RNF20: variants seen among roughly 807,000 people sequenced by gnomAD.
RNF20 encodes E3 ubiquitin-protein ligase BRE1A.
A neutral mutation model predicts 126.2 loss-of-function variants in RNF20; 84 were observed. The observed-to-expected ratio is 0.67, with a 90% confidence interval of 0.56 to 0.80. The LOEUF is 0.80. Ranked by LOEUF, RNF20 falls within the 30% of genes least tolerant of loss-of-function variation. The probability of loss-of-function intolerance (pLI) is 0.00; values close to 1 mark genes in which losing one functional copy is unlikely to be tolerated. For missense variants in RNF20, 869 were observed against 1,188.2 expected, an observed-to-expected ratio of 0.73 and a Z score of 3.95; for synonymous variants, 400 against 414.3, an observed-to-expected ratio of 0.97 and a Z score of 0.42.
rs571282070 is a variant in RNF20, at chr9:101,562,832, A to T, written c.*410A>T. On this transcript the variant is annotated 3_prime_UTR_variant, in exon 20 of 20. Transcript: ENST00000389120. ...GGCTACTTTTGGGGAGTGATATTTTAAAAAATAAGTTGTCTATGGGCACAA... is the reference window on the plus strand; with the variant it reads ...GGCTACTTTTGGGGAGTGATATTTTTAAAAATAAGTTGTCTATGGGCACAA... 6.4e-6 allele frequency: 1 copy of T among 155,544 alleles called. No homozygotes were observed. The highest frequency in any genetic ancestry group is 6.5e-5 in the Admixed American group (1 of 15,416). The allele number at this position is 155,544 out of a possible 1,614,324, so 9.6% of individuals were successfully genotyped here.
At chr9:101,541,033 C>A in intron 5 of RNF20, 58 bp downstream of exon 5, 2 of 1,376,002 alleles carry the variant, frequency 1.5e-6, no homozygotes, top group Non-Finnish European at 2.0e-6. Flanking sequence ...TTCATTTTTG[C>A]ATGCTAATTT....
rs1827654058 is a variant in RNF20, at chr9:101,563,295, G to A, written c.*873G>A. On this transcript the variant is annotated 3_prime_UTR_variant, in exon 20 of 20. Coordinates refer to ENST00000389120, the MANE Select transcript of RNF20 (RefSeq NM_019592.7). ...CCAGAAAATTCTGTGGAATGTTTCT[G>A]TAGGACTTTGTTCTCCACAAGCTTG... 1 of 152,620 alleles carries A rather than the reference G, an allele frequency of 6.6e-6. No homozygotes were observed. Among genetic ancestry groups the A allele is most frequent in the Non-Finnish European group, 1.5e-5 (1 of 68,044 alleles). 9.5% of individuals were successfully genotyped at this position (152,620 alleles called of 1,614,324 possible). A position where few individuals can be genotyped will look rare whatever the true frequency, so the allele number is the denominator to read the frequency against.
At chr9:101,548,970 C>A (rs756017056) in intron 9 of RNF20, among the ~76,000 whole-genome samples, 1 of 152,192 alleles carries the variant, frequency 6.6e-6, no homozygotes, top group Non-Finnish European at 1.5e-5. Flanking sequence ...GAAAGAAACA[C>A]GATTGGTGAT....
chr9:101,540,176 G>T (rs1348812606), intron 2 of RNF20, 27 bp from the exon 3 acceptor site: 3 of 1,607,624 alleles, frequency 1.9e-6, no homozygotes, highest in South Asian at 1.1e-5. Context: ...TCTTTGTGGA[G>T]ACTAATACGA....
intron 9 of RNF20, 83 bp from the exon 10 acceptor site, chr9:101,550,523 A>G: frequency 2.7e-6 from 3 of 1,105,172 alleles, no homozygotes; most frequent in Non-Finnish European, 4.0e-6. Context: ...GTAGGACATC[A>G]GTGAGTTCAA....
rs551407089 is a variant in RNF20 at position 101,561,166 on chromosome 9, A to G, written c.2585A>G (p.Gln862Arg). Reference protein sequence around the residue: ...ELAQKKLHDFQDEIVENSVTK... With the variant: ...ELAQKKLHDFRDEIVENSVTK... ...GCTCAGAAGAAGCTACATGATTTTC[A>G]GGATGAGATCGTGGAGAACAGTGTT... Residue 862 changes from glutamine (Q) to arginine (R), a missense_variant, in exon 18 of 20, where the codon CAG becomes CGG. Physicochemically the swap from Gln to Arg is conservative, Grantham distance 43. This residue lies in a region of RNF20 where 150 missense variants were observed against 173.7 expected (regional missense o/e 0.86). Transcript: ENST00000389120. 7.4e-5 allele frequency: 119 copies of G among 1,613,960 alleles called. 1 individual carries two copies. In the South Asian group the frequency reaches 1.1e-3, roughly 15 times the overall value.
chr9:101,548,255 T>G (rs1369949797), intron 9 of RNF20, among the ~76,000 whole-genome samples: 1 of 152,200 alleles, frequency 6.6e-6, no homozygotes, highest in African/African-American at 2.4e-5. Flanking sequence ...TACTGCATGA[T>G]CTCACTTGTA....
At chr9:101,542,400 A>G (rs1827274158) in intron 5 of RNF20, among the ~76,000 whole-genome samples, 1 of 152,206 alleles carries the variant, frequency 6.6e-6, no homozygotes, top group Non-Finnish European at 1.5e-5. Flanking sequence ...AGACTTTTGT[A>G]CTTTTGTATT....
chr9:101,540,472 G>T lies in RNF20; in HGVS notation c.298-18G>T. The T allele has an allele frequency of 1.9e-6, 3 of 1,612,846 alleles. No homozygotes were observed. Among genetic ancestry groups the T allele is most frequent in the Non-Finnish European group, 2.5e-6 (3 of 1,179,294 alleles). ...TTGTGTCCTTTGTTTCTTCATAATT[G>T]TACCTACCCTTCTCCAGTTTGATGA... On this transcript the variant is annotated intron_variant, in intron 3 of 19. Transcript: ENST00000389120.
In RNF20 at chr9:101,561,080, T is replaced by A. The variant is rs755384481; in HGVS notation, c.2509-10T>A. ...TACAATGGTGTCACTTATTTGTACATCCTACATAGGCAATGGAGGCAGCCC... is the reference window on the plus strand; with the variant it reads ...TACAATGGTGTCACTTATTTGTACAACCTACATAGGCAATGGAGGCAGCCC... On this transcript the variant is annotated splice_polypyrimidine_tract_variant and intron_variant, in intron 17 of 19. Coordinates refer to ENST00000389120, the MANE Select transcript of RNF20 (RefSeq NM_019592.7). The A allele has an allele frequency of 6.2e-7, 1 of 1,613,206 alleles. No homozygotes were observed. Among genetic ancestry groups the A allele is most frequent in the East Asian group, 2.2e-5 (1 of 44,836 alleles).
intron 6 of RNF20, among the ~76,000 whole-genome samples, chr9:101,545,118 G>A (rs1789149930): frequency 2.0e-5 from 3 of 152,218 alleles, no homozygotes; most frequent in Non-Finnish European, 4.4e-5. Flanking sequence ...GAATGGGGAA[G>A]TAGAAACTAC....
chr9:101,555,896 T>C (rs1030929043), intron 15 of RNF20, among the ~76,000 whole-genome samples: 1 of 151,498 alleles, frequency 6.6e-6, no homozygotes, highest in African/African-American at 2.4e-5. Context: ...GAGTGGAGGT[T>C]GCAGTGAGCC....
intron 2 of RNF20, among the ~76,000 whole-genome samples, chr9:101,536,263 A>C (rs564930607): frequency 6.6e-6 from 1 of 152,338 alleles, no homozygotes; most frequent in South Asian, 2.1e-4. Context: ...AGACATCAGA[A>C]GTTTACAGGT....
chr9:101,544,770 A>G lies in RNF20; in HGVS notation c.632A>G (p.Asn211Ser). The change falls in exon 6 of 20, where the codon AAT (asparagine) becomes AGT (serine). Residue 211 changes from asparagine (N) to serine (S), a missense_variant. Transcript: ENST00000389120. ...LLSRKLNSGD[N>S]LIVEEAVQEL... ...AAGTATAGTTCTTCTTCCCCAGATAATCTGATAGTGGAGGAAGCAGTGCAG... is the reference window on the plus strand; with the variant it reads ...AAGTATAGTTCTTCTTCCCCAGATAGTCTGATAGTGGAGGAAGCAGTGCAG... 6.3e-7 allele frequency: 1 copy of G among 1,593,894 alleles called. No individual in the cohort carries two copies. The highest frequency in any genetic ancestry group is 1.7e-5 in the Admixed American group (1 of 59,998).
intron 15 of RNF20, among the ~76,000 whole-genome samples, chr9:101,556,408 T>C (rs563285246): frequency 4.6e-5 from 7 of 152,146 alleles, no homozygotes; most frequent in South Asian, 2.1e-4. Flanking sequence ...ATGATACTTA[T>C]TATGTGCTAA....
At chr9:101,536,761 C>T (rs1373156558) in intron 2 of RNF20, among the ~76,000 whole-genome samples, 2 of 152,124 alleles carry the variant, frequency 1.3e-5, no homozygotes, top group African/African-American at 2.4e-5. Context: ...ATGGGAAGCA[C>T]ATAGCACACA....
At chr9:101,542,083 A>C (rs549760962) in intron 5 of RNF20, among the ~76,000 whole-genome samples, 1 of 152,324 alleles carries the variant, frequency 6.6e-6, no homozygotes, top group South Asian at 2.1e-4. Context: ...AAATAAGTTG[A>C]ATGTAATGGA....
intron 2 of RNF20, among the ~76,000 whole-genome samples, chr9:101,538,533 C>T (rs1827217998): frequency 6.6e-6 from 1 of 152,058 alleles, no homozygotes; most frequent in Non-Finnish European, 1.5e-5. Flanking sequence ...GGATATTCAT[C>T]CCTCTCTGGC....
chr9:101,552,033 G>A, intron 11 of RNF20, 108 bp from the exon 12 acceptor site: 9 of 1,429,756 alleles, frequency 6.3e-6, no homozygotes, highest in Non-Finnish European at 7.7e-6. Flanking sequence ...TCTTTTATTT[G>A]GTAATTCTCC....
Sources: allele counts gnomAD v4.1 joint callset (sites outside exome capture counted in the v4.1 genomes callset), GRCh38; gene constraint gnomAD v4.1.1; regional missense constraint gnomAD v4.1.1; transcripts MANE v1.5; gene names NCBI Gene and HGNC (gene_info 2026-07-23, HGNC 2026-07-21).